The following PRRC2A variants were observed in gnomAD, a reference collection of about 807,000 sequenced individuals.
PRRC2A encodes proline rich coiled-coil 2A, also known as protein PRRC2A.
Under a neutral mutation model 224.6 loss-of-function variants are expected in PRRC2A, and 59 were observed. That is an observed-to-expected ratio of 0.26 (90% CI 0.21 to 0.33). The LOEUF is 0.33. Ranked by LOEUF, PRRC2A falls within the 10% of genes least tolerant of loss-of-function variation. PRRC2A has a pLI of 1.00. For missense variants in PRRC2A, 3,095 were observed against 2,880.7 expected (o/e 1.07, Z -1.70); for synonymous variants, 1,194 against 1,109.5 (o/e 1.08, Z -1.51).
chr6:31,626,719 C>T (rs1364031541), intron 9 of PRRC2A, 53 bp from the exon 10 acceptor site: 12 of 1,492,216 alleles, frequency 8.0e-6, no homozygotes, highest in East Asian at 2.5e-5. Context: ...AGACTACCTC[C>T]CAAGATTGGA....
chr6:31,636,954 C>G lies in PRRC2A; in HGVS notation c.6147+9C>G. 3.1e-6 allele frequency: 5 copies of G among 1,611,250 alleles called. No individual in the cohort carries two copies. Among genetic ancestry groups the G allele is most frequent in the Non-Finnish European group, 3.4e-6 (4 of 1,178,784 alleles). On this transcript the variant is annotated intron_variant, in intron 28 of 30. Transcript: ENST00000376033. This position sits in a 1 kb window ranked among gnomAD's most constrained non-coding sequence, Gnocchi z 4.3. ...GCTTGGGGCGAGCAGAGGTAAGGTA[C>G]AGGAACTGAGGGGCTAGGGAGCGCC...
At chr6:31,624,554 C>T in intron 5 of PRRC2A, 32 bp downstream of exon 5, 3 of 1,580,854 alleles carry the variant, frequency 1.9e-6, no homozygotes, top group Non-Finnish European at 2.6e-6. Context: ...GGAGCTGTGT[C>T]TGGGCACCAT....
chr6:31,634,181 T>TAATTCCC, intron 18 of PRRC2A, 55 bp from the exon 19 acceptor site: 3 of 1,573,036 alleles, frequency 1.9e-6, no homozygotes, highest in Non-Finnish European at 2.6e-6. Flanking sequence ...TGGCTTCCTA[T>TAATTCCC]AATTCCCAAT....
Position 31,627,524 on chromosome 6 carries a change from T to TA in PRRC2A, c.1291-240dup, listed in dbSNP as rs1227265836. Among the ~76,000 whole-genome samples the TA allele has an allele frequency of 6.6e-6, 1 of 152,156 alleles. No individual in the cohort carries two copies. Among genetic ancestry groups the TA allele is most frequent in the Non-Finnish European group, 1.5e-5 (1 of 68,038 alleles). ...GTTAGTATGCATCAGTAGTCCAAGC[T>TA]ACTCAGCAGGCTGAAGCAGAAGGAT... On this transcript the variant is annotated intron_variant, in intron 11 of 30. Transcript: ENST00000376033. The surrounding 1 kb of genome is among the most constrained non-coding windows in gnomAD (Gnocchi z 5.6).
At position 31,637,319 on chromosome 6, in the gene PRRC2A, C is replaced by G; in HGVS notation, c.6328C>G (p.Gln2110Glu). 6.2e-7 allele frequency: 1 copy of G among 1,611,164 alleles called. No homozygotes were observed. The highest frequency in any genetic ancestry group is 8.5e-7 in the Non-Finnish European group (1 of 1,178,278). ...VFRTQRVDLYQQASPPDALRW... is the reference protein window; with the variant it reads ...VFRTQRVDLYEQASPPDALRW... ...CCGCACCCAGCGCGTCGACCTTTACCAGCAGGTGAAGGAGAAACCCTTGTG... is the reference window on the plus strand; with the variant it reads ...CCGCACCCAGCGCGTCGACCTTTACGAGCAGGTGAAGGAGAAACCCTTGTG... Residue 2110 changes from glutamine (Q) to glutamate (E), a missense_variant, in exon 30 of 31, where the codon CAG (glutamine) becomes GAG (glutamate). Physicochemically the swap from Gln to Glu is conservative, Grantham distance 29 (BLOSUM62 2). Coordinates refer to ENST00000376033, the MANE Select transcript of PRRC2A (RefSeq NM_004638.4).
At chr6:31,629,466 C>T in intron 13 of PRRC2A, 82 bp from the exon 14 acceptor site, 1 of 1,425,194 alleles carries the variant, frequency 7.0e-7, no homozygotes, top group Non-Finnish European at 9.8e-7. Flanking sequence ...CCAATTTCCC[C>T]TAGTCCAAGT....
At chr6:31,623,001 C>A (rs1017148350) in intron 2 of PRRC2A, 100 bp downstream of exon 2, 11 of 1,040,784 alleles carry the variant, frequency 1.1e-5, no homozygotes, top group Admixed American at 7.0e-5. Context: ...AGTAGAAATA[C>A]CAAAAGACTA....
At position 31,632,662 on chromosome 6, in the gene PRRC2A, TCAC is replaced by T. The variant is rs767484765; in HGVS notation, c.3992_3994del (p.Thr1331del). 6.8e-6 allele frequency: 11 copies of T among 1,612,884 alleles called. No homozygotes were observed. In the East Asian group the frequency reaches 2.2e-4, roughly 33 times the overall value. On this transcript the variant is annotated inframe_deletion, in exon 16 of 31. Transcript: ENST00000376033. ...GAGACTGCATCAGAGAGCAGTGACT[TCAC>T]CAGTGAGCGCCGAGGGGACAAAGAG... is the stretch of plus-strand genomic sequence containing the variant.
intron 14 of PRRC2A, among the ~76,000 whole-genome samples, chr6:31,630,338 C>T (rs924989697): frequency 6.6e-6 from 1 of 152,120 alleles, no homozygotes; most frequent in Non-Finnish European, 1.5e-5. Flanking sequence ...ATGAATAGCA[C>T]AACTCCATCT....
At chr6:31,634,203 T>C (rs1423727788) in intron 18 of PRRC2A, 33 bp from the exon 19 acceptor site, 1 of 1,575,040 alleles carries the variant, frequency 6.3e-7, no homozygotes, top group East Asian at 2.2e-5. Context: ...CCCACCCAAT[T>C]CATGTTTTGC....
intron 16 of PRRC2A, 135 bp downstream of exon 16, chr6:31,633,127 C>T (rs1776868622): frequency 7.8e-7 from 1 of 1,284,086 alleles, no homozygotes; most frequent in Non-Finnish European, 1.0e-6. Flanking sequence ...AGTAGGATTT[C>T]CATGTCTGGC....
In PRRC2A at chr6:31,632,889, G is replaced by A. The variant is rs558082360; in HGVS notation, c.4216G>A (p.Gly1406Ser). ...NRRPGPGGKA[G>S]SSGSSSGGGG... The stretch of plus-strand genomic sequence containing the variant: ...GCGCCCTGGCCCAGGGGGCAAGGCT[G>A]GCAGCAGTGGCAGCAGCAGTGGAGG... The change falls in exon 16 of 31, where the codon GGC becomes AGC. Residue 1406 changes from glycine to serine, a missense_variant. Transcript: ENST00000376033. 38 of 1,612,922 alleles carry A rather than the reference G, an allele frequency of 2.4e-5. No individual in the cohort carries two copies. In the South Asian group the frequency reaches 3.7e-4, roughly 16 times the overall value.
In PRRC2A at chr6:31,630,679, C is replaced by T. The variant is rs1488220196; in HGVS notation, c.2343C>T (p.Gly781=). 11 of 1,614,136 alleles carry T rather than the reference C, an allele frequency of 6.8e-6. No individual in the cohort carries two copies. Among genetic ancestry groups the T allele is most frequent in the Admixed American group, 1.7e-5 (1 of 60,018 alleles). The change falls in exon 15 of 31, where the codon GGC becomes GGT. Residue 781 remains glycine (G), a synonymous_variant. Transcript: ENST00000376033. ...CACCTGCTATGTTACGGGAACGGGG[C>T]ACTCCACCGGTGGATCCAAAGTTGG... ...RHAPAMLRER[G]TPPVDPKLAW...
intron 13 of PRRC2A, 29 bp downstream of exon 13, chr6:31,629,363 G>T (rs1776277214): frequency 6.5e-7 from 1 of 1,534,798 alleles, no homozygotes; most frequent in South Asian, 1.3e-5. Flanking sequence ...CCCTCTAAGG[G>T]CTGCTTTTCT....
At chr6:31,626,212 A>T (rs1385476706) in intron 9 of PRRC2A, 50 bp downstream of exon 9, 2 of 1,570,540 alleles carry the variant, frequency 1.3e-6, no homozygotes, top group Non-Finnish European at 1.7e-6. Flanking sequence ...GGCAAAACCT[A>T]ATGAGGAAAA....
Position 31,628,245 on chromosome 6 carries a change from G to A in PRRC2A, c.1765+6G>A, listed in dbSNP as rs775666124. ...CAGCTTCGAAGCCAGCCCAGGTATG[G>A]AGATGGGGATAGGTACTACCAGATG... On this transcript the variant is annotated splice_donor_region_variant and intron_variant, in intron 12 of 30. Coordinates refer to ENST00000376033, the MANE Select transcript of PRRC2A (RefSeq NM_004638.4). 6.2e-7 allele frequency: 1 copy of A among 1,606,532 alleles called. No homozygotes were observed.
In PRRC2A at chr6:31,632,323, C is replaced by G. The variant is rs116364237; in HGVS notation, c.3650C>G (p.Pro1217Arg). ...TTGAAAGAGAAGTTGATCCCAGGGC[C>G]TCTGTCCCCTGTGGCGCGCGGAGGC... is the stretch of plus-strand genomic sequence containing the variant. ...EPLKEKLIPG[P>R]LSPVARGGSN... The change falls in exon 16 of 31, where the codon CCT becomes CGT. Residue 1217 changes from proline to arginine, a missense_variant. Physicochemically the swap from Pro to Arg is moderately radical, Grantham distance 103 (BLOSUM62 -2). This residue lies in a region of PRRC2A where 2,001 missense variants were observed against 1,764.9 expected (regional missense o/e 1.13). Coordinates refer to ENST00000376033, the MANE Select transcript of PRRC2A (RefSeq NM_004638.4). 58 of 1,613,434 alleles carry G rather than the reference C, an allele frequency of 3.6e-5. No individual in the cohort carries two copies. The East Asian group carries it at 9.1e-4, about 25-fold the overall frequency.
At position 31,625,990 on chromosome 6, in the gene PRRC2A, G is replaced by A. The variant is rs1775865479; in HGVS notation, c.840-30G>A. On this transcript the variant is annotated intron_variant, in intron 8 of 30. Coordinates refer to ENST00000376033, the MANE Select transcript of PRRC2A (RefSeq NM_004638.4). The surrounding 1 kb of genome is among the most constrained non-coding windows in gnomAD (Gnocchi z 4.1). ...AGTCTCGCATGTGGTTATACAACAT[G>A]CCATATTTCATTTTCTTTTTTGTGT... 1 of 1,609,490 alleles carries A rather than the reference G, an allele frequency of 6.2e-7. No homozygotes were observed. Among genetic ancestry groups the A allele is most frequent in the Non-Finnish European group, 8.5e-7 (1 of 1,178,272 alleles).
In PRRC2A at chr6:31,632,237, A is replaced by C. The variant is rs778287113; in HGVS notation, c.3564A>C (p.Pro1188=). ...AAGTTTGCCCAGGCTGGAGCCCTCC[A>C]GCCAAGTCTCTGGCTCCCAAGAAAC... The part of the protein sequence containing the change: ...PPQVCPGWSP[P]AKSLAPKKPP... Residue 1188 remains proline (P), a synonymous_variant, in exon 16 of 31, where the codon CCA becomes CCC. Coordinates refer to ENST00000376033, the MANE Select transcript of PRRC2A (RefSeq NM_004638.4). The C allele has an allele frequency of 1.9e-6, 3 of 1,612,862 alleles. No homozygotes were observed. The highest frequency in any genetic ancestry group is 2.5e-6 in the Non-Finnish European group (3 of 1,179,934).
Sources: gnomAD v4.1 joint callset for allele counts (sites outside exome capture counted in the v4.1 genomes callset) on GRCh38, gnomAD v4.1.1 for gene constraint, gnomAD v4.1.1 regional missense constraint, Gnocchi (gnomAD v3.1) non-coding constraint, MANE v1.5 for transcripts, NCBI Gene and HGNC (gene_info 2026-07-23, HGNC 2026-07-21) for gene names.